KCNK2: variants seen among roughly 807,000 people sequenced by gnomAD.
KCNK2 encodes the protein potassium two pore domain channel subfamily K member 2, also known as potassium channel subfamily K member 2.
KCNK2 carries 21 observed loss-of-function variants against 40.5 expected under a neutral mutation model. The observed-to-expected ratio is 0.52, with a 90% confidence interval of 0.37 to 0.75. KCNK2 has a LOEUF of 0.75. Ranked by LOEUF, KCNK2 falls within the 30% of genes least tolerant of loss-of-function variation. The pLI is 0.00. For synonymous variants in KCNK2, 191 were observed against 202.2 expected, an observed-to-expected ratio of 0.94 and a Z score of 0.47; for missense variants, 399 against 531.6, an observed-to-expected ratio of 0.75 and a Z score of 2.45.
chr1:215,143,675 G>A (rs1342829398), intron 3 of KCNK2, among the ~76,000 whole-genome samples: 1 of 152,124 alleles, frequency 6.6e-6, no homozygotes, highest in Non-Finnish European at 1.5e-5. Flanking sequence ...AGCTTGTAGT[G>A]TTGGCACTTA....
chr1:215,077,603 TA>T (rs1558079292), intron 1 of KCNK2, among the ~76,000 whole-genome samples: 1 of 152,040 alleles, frequency 6.6e-6, no homozygotes, highest in Non-Finnish European at 1.5e-5. Flanking sequence ...CAGGTCTCAT[TA>T]ATTAAAATCC....
rs916351868 is a variant in KCNK2, at chr1:215,142,794, A to AT, written c.475+18054dup. ...TGAATTGTTATGGAAATGAAGAAATATTTTTTTTTTCTAGCTGCTTTTCTT... is the reference window on the plus strand; with the variant it reads ...TGAATTGTTATGGAAATGAAGAAATATTTTTTTTTTTCTAGCTGCTTTTCTT... On this transcript the variant is annotated intron_variant, in intron 3 of 6. Coordinates refer to ENST00000444842, the MANE Select transcript of KCNK2 (RefSeq NM_001017425.3). Among the ~76,000 whole-genome samples the AT allele has an allele frequency of 3.1e-3, 456 of 149,378 alleles. 5 individuals are homozygous for AT. The highest frequency in any genetic ancestry group is 0.01 in the African/African-American group (415 of 40,534).
intron 6 of KCNK2, among the ~76,000 whole-genome samples, chr1:215,214,152 T>C (rs2102691959): frequency 6.6e-6 from 1 of 152,222 alleles, no homozygotes; most frequent in South Asian, 2.1e-4. Context: ...AAAGAAAGGT[T>C]TAATTGGCTC....
At chr1:215,189,757 T>A (rs1664590639) in intron 5 of KCNK2, among the ~76,000 whole-genome samples, 1 of 152,162 alleles carries the variant, frequency 6.6e-6, no homozygotes, top group African/African-American at 2.4e-5. Context: ...TCTCAGTCCT[T>A]GAAGCAGTGA....
At chr1:215,073,211 C>G (rs1178810606) in intron 1 of KCNK2, among the ~76,000 whole-genome samples, 1 of 152,156 alleles carries the variant, frequency 6.6e-6, no homozygotes, top group Non-Finnish European at 1.5e-5. Context: ...AGAGCTGCCA[C>G]AGAGAGCAAG....
intron 1 of KCNK2, among the ~76,000 whole-genome samples, chr1:215,069,153 A>G (rs1658662211): frequency 6.6e-6 from 1 of 152,186 alleles, no homozygotes; most frequent in African/African-American, 2.4e-5. Context: ...TTTAACAGTG[A>G]GGATAGATGC....
chr1:215,021,631 C>T (rs944834362), intron 1 of KCNK2, among the ~76,000 whole-genome samples: 4 of 150,614 alleles, frequency 2.7e-5, no homozygotes. Context: ...CTGCAAGCTC[C>T]GCCTCCCAGG....
intron 3 of KCNK2, among the ~76,000 whole-genome samples, chr1:215,165,167 CT>C (rs1343690665): frequency 2.6e-5 from 4 of 152,184 alleles, no homozygotes; most frequent in Non-Finnish European, 5.9e-5. Flanking sequence ...CATGAGCTTG[CT>C]TTCCATAGCT....
At chr1:215,212,957 T>C (rs1386347192) in intron 6 of KCNK2, among the ~76,000 whole-genome samples, 1 of 152,190 alleles carries the variant, frequency 6.6e-6, no homozygotes, top group Non-Finnish European at 1.5e-5. Flanking sequence ...AATGCTAATG[T>C]GGACATTTTA....
intron 5 of KCNK2, among the ~76,000 whole-genome samples, chr1:215,193,397 C>T (rs1372583776): frequency 6.6e-6 from 1 of 151,550 alleles, no homozygotes; most frequent in Non-Finnish European, 1.5e-5. Flanking sequence ...GTTATTACCT[C>T]AAGCACTTCG....
intron 6 of KCNK2, among the ~76,000 whole-genome samples, chr1:215,201,490 C>T (rs1665078733): frequency 6.6e-6 from 1 of 152,044 alleles, no homozygotes; most frequent in Non-Finnish European, 1.5e-5. Context: ...AAATGGGAGC[C>T]CTTGGAGCAT....
chr1:215,079,119 A>T (rs534583755), upstream of KCNK2, among the ~76,000 whole-genome samples: 17 of 152,356 alleles, frequency 1.1e-4, no homozygotes, highest in South Asian at 3.5e-3. Flanking sequence ...TAATTATATA[A>T]TTTCAGTTTG....
chr1:215,165,758 G>A lies in KCNK2; in HGVS notation c.476-3441G>A, dbSNP rs1041329041. 2.6e-5 allele frequency among the ~76,000 whole-genome samples: 4 copies of A among 151,784 alleles called. No homozygotes were observed. In the South Asian group the frequency reaches 8.3e-4, roughly 32 times the overall value. On this transcript the variant is annotated intron_variant, in intron 3 of 6. Coordinates refer to ENST00000444842, the MANE Select transcript of KCNK2 (RefSeq NM_001017425.3). ...AATGGCTATAATATACTGCTAAACT[G>A]TTACTAGGTTTTGTCTTGACTGATG...
At chr1:215,084,091 C>A (rs1343912348) in intron 1 of KCNK2, among the ~76,000 whole-genome samples, 1 of 151,458 alleles carries the variant, frequency 6.6e-6, no homozygotes, top group East Asian at 1.9e-4. Flanking sequence ...ATTCTGTCTG[C>A]CAAATGTACA....
chr1:215,217,102 T>C (rs1256422040), intron 6 of KCNK2, among the ~76,000 whole-genome samples: 1 of 152,164 alleles, frequency 6.6e-6, no homozygotes, highest in Non-Finnish European at 1.5e-5. Flanking sequence ...CTAAAGCAAG[T>C]CTTGGGAAAT....
intron 2 of KCNK2, among the ~76,000 whole-genome samples, chr1:215,093,532 G>T (rs1320069191): frequency 4.8e-5 from 5 of 103,208 alleles, no homozygotes; most frequent in East Asian, 2.5e-4. Flanking sequence ...ATATAATATA[G>T]AATATATATA....
At chr1:215,120,372 G>GT (rs1450437595) in intron 2 of KCNK2, among the ~76,000 whole-genome samples, 1 of 152,124 alleles carries the variant, frequency 6.6e-6, no homozygotes, top group Non-Finnish European at 1.5e-5. Flanking sequence ...ACAACACCAT[G>GT]TATGTTTCTT....
At chr1:215,093,824 TTATATATAA>T (rs1659845524) in intron 2 of KCNK2, among the ~76,000 whole-genome samples, 2 of 16,084 alleles carry the variant, frequency 1.2e-4, no homozygotes, top group East Asian at 2.3e-3. Context: ...ATATTATATA[TTATATATAA>T]AATATATTAT....
chr1:215,195,475 G>C (rs1237597356), intron 6 of KCNK2, among the ~76,000 whole-genome samples: 1 of 151,748 alleles, frequency 6.6e-6, no homozygotes, highest in African/African-American at 2.4e-5. Context: ...GCATGAAATA[G>C]TGGATGTTTT....
Sources: gnomAD v4.1 joint callset for allele counts (sites outside exome capture counted in the v4.1 genomes callset) on GRCh38, gnomAD v4.1.1 for gene constraint, MANE v1.5 for transcripts, NCBI Gene and HGNC (gene_info 2026-07-23, HGNC 2026-07-21) for gene names.